Variants in PPCDC observed in about 807,000 individuals in gnomAD.
PPCDC encodes phosphopantothenoylcysteine decarboxylase.
In PPCDC, 20 loss-of-function variants were observed where a neutral mutation model predicts 20.7. The observed-to-expected ratio is 0.97, with a 90% CI of 0.68 to 1.41. PPCDC has a LOEUF of 1.41. Ranked by LOEUF, PPCDC falls within the 40% of genes most tolerant of loss-of-function variation. PPCDC has a pLI of 0.00. For missense variants in PPCDC, 246 were observed against 263.8 expected (o/e 0.93, Z 0.47); for synonymous variants, 88 against 100.3 (o/e 0.88, Z 0.73).
intron 2 of PPCDC, among the ~76,000 whole-genome samples, chr15:75,030,117 G>A (rs942052956): frequency 3.9e-5 from 6 of 152,190 alleles, no homozygotes; most frequent in African/African-American, 1.4e-4. Context: ...GATGCCAAAA[G>A]TGAGGCAGCC....
intron 1 of PPCDC, among the ~76,000 whole-genome samples, chr15:75,026,026 T>C (rs2065955195): frequency 6.6e-6 from 1 of 152,232 alleles, no homozygotes; most frequent in African/African-American, 2.4e-5. Flanking sequence ...TATTTCGGAC[T>C]ATAGTGCCTG....
chr15:75,035,410 G>GACGT (rs1228249618), intron 2 of PPCDC, among the ~76,000 whole-genome samples: 1 of 152,162 alleles, frequency 6.6e-6, no homozygotes, highest in Non-Finnish European at 1.5e-5. Flanking sequence ...ATCTGCCCCA[G>GACGT]ACGTAGCCTG....
chr15:75,026,280 C>T (rs2065958997), intron 1 of PPCDC, among the ~76,000 whole-genome samples: 1 of 152,158 alleles, frequency 6.6e-6, no homozygotes, highest in African/African-American at 2.4e-5. Flanking sequence ...AAAGAATGTG[C>T]CTCCATCACC....
chr15:75,048,295 A>G (rs754814768), intron 4 of PPCDC, among the ~76,000 whole-genome samples: 6 of 152,176 alleles, frequency 3.9e-5, no homozygotes, highest in Non-Finnish European at 7.4e-5. Flanking sequence ...AGGCTTAGGC[A>G]CAGGGATACC....
rs149500604 is a variant in PPCDC at position 75,032,610 on chromosome 15, C to T, written c.135+4157C>T. On this transcript the variant is annotated intron_variant, in intron 2 of 5. Transcript: ENST00000342932. Reference sequence around the variant, plus strand: ...GCCCTTATGATTTATGGGACAATCTCTCAGTGGATTACTTGGCAATGATTC... The same window carrying T: ...GCCCTTATGATTTATGGGACAATCTTTCAGTGGATTACTTGGCAATGATTC... 7.3e-3 allele frequency among the ~76,000 whole-genome samples: 1,104 copies of T among 151,936 alleles called. 12 individuals are homozygous for T. The highest frequency in any genetic ancestry group is 0.024 in the Admixed American group (371 of 15,250).
chr15:75,046,351 C>T (rs1423725338), intron 4 of PPCDC, among the ~76,000 whole-genome samples: 1 of 152,294 alleles, frequency 6.6e-6, no homozygotes, highest in East Asian at 1.9e-4. Flanking sequence ...CTCACCAAAT[C>T]TCCAGGCTCC....
At chr15:75,042,652 CAAAAAA>C (rs768744006) in intron 2 of PPCDC, among the ~76,000 whole-genome samples, 1 of 89,828 alleles carries the variant, frequency 1.1e-5, no homozygotes. Flanking sequence ...GACTCCATCT[CAAAAAA>C]AAAAAAAAAA....
intron 4 of PPCDC, among the ~76,000 whole-genome samples, chr15:75,045,467 C>T (rs1413237597): frequency 6.6e-6 from 1 of 152,132 alleles, no homozygotes; most frequent in African/African-American, 2.4e-5. Flanking sequence ...TGCATGTATG[C>T]GGTAACTAGC....
chr15:75,046,757 C>T (rs562715259), intron 4 of PPCDC, among the ~76,000 whole-genome samples: 4 of 152,388 alleles, frequency 2.6e-5, no homozygotes, highest in Admixed American at 6.5e-5. Context: ...CCCTTTCCAG[C>T]GCCCAGGGCA....
rs1008420580 is a variant in PPCDC, at chr15:75,032,731, C to T, written c.135+4278C>T. 3.1e-5 allele frequency among the ~76,000 whole-genome samples: 4 copies of T among 130,410 alleles called. 1 individual carries two copies. The highest frequency in any genetic ancestry group is 4.8e-5 in the Non-Finnish European group (3 of 62,608). The allele number at this position is 130,410 out of a possible 152,430, so 85.6% of individuals were successfully genotyped here. A position where few individuals can be genotyped will look rare whatever the true frequency, so the allele number is the denominator to read the frequency against. On this transcript the variant is annotated intron_variant, in intron 2 of 5. Transcript: ENST00000342932. Reference sequence around the variant, plus strand: ...TAGGAGCTAGCAAACTGGACCCCCCCCCCCAAGGCCAAATTCGGCTCTGCC... The same window carrying T: ...TAGGAGCTAGCAAACTGGACCCCCCTCCCCAAGGCCAAATTCGGCTCTGCC...
intron 4 of PPCDC, among the ~76,000 whole-genome samples, chr15:75,046,043 T>G (rs1186750391): frequency 2.0e-5 from 3 of 151,740 alleles, no homozygotes; most frequent in Non-Finnish European, 4.4e-5. Context: ...AAACTCCATC[T>G]CTACAAAACA....
intron 4 of PPCDC, among the ~76,000 whole-genome samples, chr15:75,046,852 G>A (rs1567066532): frequency 6.6e-6 from 1 of 152,264 alleles, no homozygotes; most frequent in African/African-American, 2.4e-5. Context: ...GCCCACTAAG[G>A]CCCTGGCCCA....
intron 2 of PPCDC, among the ~76,000 whole-genome samples, chr15:75,041,890 C>G (rs1404469456): frequency 6.6e-6 from 1 of 152,172 alleles, no homozygotes; most frequent in Non-Finnish European, 1.5e-5. Flanking sequence ...GGAGGGGGTG[C>G]CTCAGAGAGA....
intron 2 of PPCDC, 137 bp downstream of exon 2, chr15:75,028,590 G>A (rs1040039101): frequency 7.8e-7 from 1 of 1,277,806 alleles, no homozygotes; most frequent in African/African-American, 1.5e-5. Context: ...GGTCCTGTGT[G>A]TGTGGTGCTC....
chr15:75,031,606 A>G (rs992191953), intron 2 of PPCDC, among the ~76,000 whole-genome samples: 22 of 152,258 alleles, frequency 1.4e-4, no homozygotes, highest in African/African-American at 5.1e-4. Context: ...CAGGAGGCGG[A>G]GGCAGGAGAA....
At chr15:75,027,216 A>G (rs917507103) in intron 1 of PPCDC, among the ~76,000 whole-genome samples, 2 of 152,098 alleles carry the variant, frequency 1.3e-5, no homozygotes, top group East Asian at 1.9e-4. Context: ...AACTCAACCT[A>G]CAGATTCCCC....
intron 2 of PPCDC, chr15:75,043,134 A>C: frequency 3.6e-6 from 1 of 275,668 alleles, no homozygotes; most frequent in Non-Finnish European, 6.9e-6. Flanking sequence ...TGCCTCTGCC[A>C]CTGGGCCTAC....
chr15:75,041,356 A>G (rs1433497275), intron 2 of PPCDC, among the ~76,000 whole-genome samples: 1 of 152,200 alleles, frequency 6.6e-6, no homozygotes, highest in African/African-American at 2.4e-5. Context: ...TAGGCTGGGC[A>G]TGGTGGTTCA....
intron 4 of PPCDC, chr15:75,044,967 T>C (rs912386771): frequency 5.8e-6 from 1 of 173,362 alleles, no homozygotes; most frequent in Non-Finnish European, 1.3e-5. Context: ...ATACACTTTA[T>C]CACCCTTGTA....
Sources: allele counts gnomAD v4.1 joint callset (sites outside exome capture counted in the v4.1 genomes callset), GRCh38; gene constraint gnomAD v4.1.1; transcripts MANE v1.5; gene names NCBI Gene and HGNC (gene_info 2026-07-23, HGNC 2026-07-21).